MKLN1: variants seen among roughly 807,000 people sequenced by gnomAD.
MKLN1 encodes the protein muskelin.
In MKLN1, 18 loss-of-function variants were observed where a neutral mutation model predicts 99.0. The observed-to-expected ratio is 0.18, with a 90% CI of 0.13 to 0.27. MKLN1 has a LOEUF of 0.27. Among genes scored for constraint, MKLN1 ranks in the 10% least tolerant of loss-of-function variants. The pLI, the probability that MKLN1 is intolerant of heterozygous loss-of-function variation, is 1.00. For missense variants in MKLN1, 621 were observed against 875.9 expected (o/e 0.71, Z 3.67); for synonymous variants, 288 against 293.2 (o/e 0.98, Z 0.18).
intron 3 of MKLN1, among the ~76,000 whole-genome samples, chr7:131,244,382 G>A (rs768393485): frequency 4.6e-5 from 7 of 152,032 alleles, no homozygotes; most frequent in Non-Finnish European, 1.0e-4. Context: ...TGGCCTCCTA[G>A]CTCCCATTTG....
intron 8 of MKLN1, among the ~76,000 whole-genome samples, chr7:131,419,437 G>A (rs1257141316): frequency 6.6e-6 from 1 of 151,374 alleles, no homozygotes; most frequent in Non-Finnish European, 1.5e-5. Context: ...GGACATTGTT[G>A]TGCCATGTTG....
At chr7:131,231,300 G>T (rs940407035) in intron 3 of MKLN1, among the ~76,000 whole-genome samples, 2 of 152,050 alleles carry the variant, frequency 1.3e-5, no homozygotes, top group Admixed American at 1.3e-4. Context: ...GTACATGGCT[G>T]TCAAAAGATA....
chr7:131,266,609 C>T (rs535027978), intron 3 of MKLN1, among the ~76,000 whole-genome samples: 1 of 152,220 alleles, frequency 6.6e-6, no homozygotes, highest in East Asian at 1.9e-4. Context: ...CCCTCAAGAA[C>T]TGTCTAGTCT....
chr7:131,433,061 G>C (rs1190455479), intron 9 of MKLN1, among the ~76,000 whole-genome samples: 3 of 152,162 alleles, frequency 2.0e-5, no homozygotes, highest in African/African-American at 7.2e-5. Context: ...CCCCAGTAAT[G>C]TTTTTTATAG....
chr7:131,289,568 C>T (rs1454602427), intron 3 of MKLN1, among the ~76,000 whole-genome samples: 2 of 152,210 alleles, frequency 1.3e-5, no homozygotes, highest in East Asian at 3.8e-4. Context: ...CAGGAAGCAG[C>T]ACAGCATACT....
chr7:131,466,201 C>T (rs1796656987), intron 14 of MKLN1, 75 bp from the exon 15 acceptor site: 2 of 1,013,488 alleles, frequency 2.0e-6, no homozygotes, highest in Non-Finnish European at 2.7e-6. Context: ...GGAAGTTAAC[C>T]TGTTATGCAC....
At chr7:131,294,413 G>A (rs944986137) in intron 3 of MKLN1, among the ~76,000 whole-genome samples, 2 of 127,942 alleles carry the variant, frequency 1.6e-5, no homozygotes, top group Admixed American at 9.3e-5. Flanking sequence ...TCTAGGTGAA[G>A]CATATAGGCA....
rs529184523 is a variant in MKLN1 at position 131,496,277 on chromosome 7, T to C, written c.*8549T>C. ...ATCATGGGACTCTGGAAAGCTGGCA[T>C]GAGCTGGTTGGAGCTTTTAAACAGA... On this transcript the variant is annotated 3_prime_UTR_variant, in exon 18 of 18. Coordinates refer to ENST00000352689, the MANE Select transcript of MKLN1 (RefSeq NM_013255.5). The C allele has an allele frequency of 6.6e-6, 1 of 152,134 alleles. No homozygotes were observed. The highest frequency in any genetic ancestry group is 1.5e-5 in the Non-Finnish European group (1 of 68,054). 9.4% of individuals were successfully genotyped at this position (152,134 alleles called of 1,614,324 possible).
At chr7:131,287,009 G>A (rs1302306679) in intron 3 of MKLN1, among the ~76,000 whole-genome samples, 1 of 152,198 alleles carries the variant, frequency 6.6e-6, no homozygotes, top group Non-Finnish European at 1.5e-5. Flanking sequence ...GGCTGAGATG[G>A]GAGGATCGAT....
intron 16 of MKLN1, among the ~76,000 whole-genome samples, chr7:131,474,340 T>A (rs1489086140): frequency 1.3e-5 from 2 of 152,210 alleles, no homozygotes; most frequent in Non-Finnish European, 2.9e-5. Context: ...TGTGGGGAAC[T>A]GGTTTGTGGG....
intron 8 of MKLN1, among the ~76,000 whole-genome samples, chr7:131,424,017 G>A (rs1228711884): frequency 6.6e-6 from 1 of 152,022 alleles, no homozygotes; most frequent in African/African-American, 2.4e-5. Flanking sequence ...TACTTCAAGG[G>A]GATGGCTTAA....
intron 12 of MKLN1, among the ~76,000 whole-genome samples, chr7:131,462,039 T>G (rs1055154896): frequency 2.0e-5 from 3 of 152,094 alleles, no homozygotes; most frequent in African/African-American, 7.2e-5. Flanking sequence ...ATTTATTTAT[T>G]TATTTGCTTT....
chr7:131,371,695 C>T (rs1458254028), intron 1 of MKLN1, among the ~76,000 whole-genome samples: 3 of 151,826 alleles, frequency 2.0e-5, no homozygotes, highest in Non-Finnish European at 4.4e-5. Context: ...TTCTCCTATA[C>T]TTTTCTTCAT....
chr7:131,396,450 T>C (rs1584694504), intron 4 of MKLN1, among the ~76,000 whole-genome samples: 1 of 152,168 alleles, frequency 6.6e-6, no homozygotes, highest in Non-Finnish European at 1.5e-5. Flanking sequence ...TGTTTCCTTA[T>C]TGCACTGGTT....
chr7:131,203,757 C>G (rs892472769), intron 3 of MKLN1, among the ~76,000 whole-genome samples: 3 of 152,126 alleles, frequency 2.0e-5, no homozygotes, highest in African/African-American at 7.2e-5. Flanking sequence ...CTTCTCATAG[C>G]CTTTCCCACT....
At chr7:131,408,128 T>C (rs1794763899) in intron 6 of MKLN1, among the ~76,000 whole-genome samples, 1 of 152,158 alleles carries the variant, frequency 6.6e-6, no homozygotes, top group Admixed American at 6.5e-5. Flanking sequence ...CTTAAGATGG[T>C]GTATCTAGTA....
At chr7:131,308,956 G>A (rs1798512770) in intron 3 of MKLN1, among the ~76,000 whole-genome samples, 1 of 152,222 alleles carries the variant, frequency 6.6e-6, no homozygotes, top group Non-Finnish European at 1.5e-5. Flanking sequence ...GGTAGCTTGT[G>A]GGGGATGATA....
At chr7:131,461,855 A>G (rs924364309) in intron 12 of MKLN1, among the ~76,000 whole-genome samples, 3 of 152,192 alleles carry the variant, frequency 2.0e-5, no homozygotes, top group African/African-American at 7.2e-5. Flanking sequence ...AAACATTTTC[A>G]AATAAGAATA....
intron 1 of MKLN1, among the ~76,000 whole-genome samples, chr7:131,364,648 G>A (rs1800126046): frequency 6.6e-6 from 1 of 151,922 alleles, no homozygotes; most frequent in Admixed American, 6.6e-5. Flanking sequence ...CCCTCAAGTA[G>A]TCCCAAGTGT....
Sources: allele counts gnomAD v4.1 joint callset (sites outside exome capture counted in the v4.1 genomes callset), GRCh38; gene constraint gnomAD v4.1.1; transcripts MANE v1.5; gene names NCBI Gene and HGNC (gene_info 2026-07-23, HGNC 2026-07-21).